MYO9A: variants seen among roughly 807,000 people sequenced by gnomAD.
The protein encoded by MYO9A is unconventional myosin-IXa.
In MYO9A, 103 loss-of-function variants were observed where a neutral mutation model predicts 293.3. That is an observed-to-expected ratio of 0.35 (90% CI 0.30 to 0.41). The LOEUF is 0.41. Ranked by LOEUF, MYO9A falls within the 10% of genes least tolerant of loss-of-function variation. The pLI is 1.00. For missense variants in MYO9A, 2,685 were observed against 3,033.0 expected (o/e 0.89, Z 2.69); for synonymous variants, 1,001 against 1,035.7 (o/e 0.97, Z 0.64).
At chr15:72,029,868 A>T (rs890856553) in intron 3 of MYO9A, among the ~76,000 whole-genome samples, 1 of 151,952 alleles carries the variant, frequency 6.6e-6, no homozygotes, top group African/African-American at 2.4e-5. Context: ...ATTAGGACAA[A>T]CCTCTTAGAG....
At chr15:71,935,591 A>T (rs1369457576) in intron 16 of MYO9A, 107 bp from the exon 17 acceptor site, 2 of 1,163,886 alleles carry the variant, frequency 1.7e-6, no homozygotes, top group Non-Finnish European at 2.3e-6. Context: ...TTAGAAAAAA[A>T]TGCTAAACCA....
At position 71,906,115 on chromosome 15, in the gene MYO9A, T is replaced by C. The variant is rs532165598; in HGVS notation, c.2686-1109A>G. 2.6e-3 allele frequency among the ~76,000 whole-genome samples: 394 copies of C among 152,306 alleles called. 3 individuals are homozygous for C. The highest frequency in any genetic ancestry group is 4.4e-3 in the South Asian group (21 of 4,826). On this transcript the variant is annotated intron_variant, in intron 19 of 41. Transcript: ENST00000356056. ...ATATGTATTATTTAGAAGTCGCTTT[T>C]ACATATTCTAAATATTTGGGGATTG...
intron 1 of MYO9A, among the ~76,000 whole-genome samples, chr15:72,087,138 AGGTCCCCAG>A (rs1335809559): frequency 6.6e-6 from 1 of 152,208 alleles, no homozygotes; most frequent in East Asian, 1.9e-4. Flanking sequence ...GCTATGATGC[AGGTCCCCAG>A]GGTACCCAAG....
chr15:71,923,037 T>C (rs2058196135), intron 18 of MYO9A, among the ~76,000 whole-genome samples: 1 of 152,186 alleles, frequency 6.6e-6, no homozygotes, highest in Non-Finnish European at 1.5e-5. Context: ...GTGGTCTTTA[T>C]TATGTTGAGG....
At chr15:71,987,945 C>T (rs1462035543) in intron 11 of MYO9A, among the ~76,000 whole-genome samples, 2 of 151,912 alleles carry the variant, frequency 1.3e-5, no homozygotes, top group Non-Finnish European at 2.9e-5. Context: ...TGAGAATCAC[C>T]CATCTTCCAA....
At chr15:71,877,937 A>C (rs2056744095) in intron 31 of MYO9A, 103 bp downstream of exon 31, 2 of 1,013,436 alleles carry the variant, frequency 2.0e-6, no homozygotes, top group Non-Finnish European at 2.8e-6. Context: ...GTTTTTCTCA[A>C]AATAAAATTT....
intron 15 of MYO9A, among the ~76,000 whole-genome samples, chr15:71,949,353 A>G (rs1434045799): frequency 6.6e-6 from 1 of 151,352 alleles, no homozygotes; most frequent in East Asian, 1.9e-4. Flanking sequence ...ACAGGCGTGC[A>G]CCACCACACC....
intron 1 of MYO9A, among the ~76,000 whole-genome samples, chr15:72,080,205 G>GTATCCAT (rs1409125172): frequency 6.6e-6 from 1 of 151,720 alleles, no homozygotes; most frequent in Non-Finnish European, 1.5e-5. Context: ...GAATGCAACA[G>GTATCCAT]TATCCATTAT....
chr15:71,876,829 C>T (rs913669301), intron 31 of MYO9A, among the ~76,000 whole-genome samples: 2 of 152,104 alleles, frequency 1.3e-5, no homozygotes, highest in Non-Finnish European at 1.5e-5. Context: ...ATTTGGGACA[C>T]GGAAAAACTC....
At chr15:71,923,236 G>A (rs2058203062) in intron 18 of MYO9A, among the ~76,000 whole-genome samples, 1 of 152,124 alleles carries the variant, frequency 6.6e-6, no homozygotes, top group Admixed American at 6.5e-5. Context: ...ACTTAGTCAT[G>A]ATGTTATCTT....
At position 71,822,364 on chromosome 15, in the gene MYO9A, A is replaced by G. The variant is rs1387277574; in HGVS notation, c.*4216T>C. 1.3e-5 allele frequency: 2 copies of G among 152,198 alleles called. No individual in the cohort carries two copies. Among genetic ancestry groups the G allele is most frequent in the African/African-American group, 2.4e-5 (1 of 41,440 alleles). 9.4% of individuals were successfully genotyped at this position (152,198 alleles called of 1,614,324 possible). On this transcript the variant is annotated 3_prime_UTR_variant, in exon 42 of 42. Coordinates refer to ENST00000356056, the MANE Select transcript of MYO9A (RefSeq NM_006901.4). ...TCAAGCTGCTTTTGTGTAGCCATAC[A>G]GTGCATATTTTGAGTGACACAAACT...
In MYO9A at chr15:71,823,132, A is replaced by G. The variant is rs954275174; in HGVS notation, c.*3448T>C. On this transcript the variant is annotated 3_prime_UTR_variant, in exon 42 of 42. Coordinates refer to ENST00000356056, the MANE Select transcript of MYO9A (RefSeq NM_006901.4). ...GAGAGGAGGATGAGGAAAGCCATGG[A>G]GTGAGTATGTATGTTTCTTTTTAAA... 1 of 151,888 alleles carries G rather than the reference A, an allele frequency of 6.6e-6. No homozygotes were observed. The highest frequency in any genetic ancestry group is 2.4e-5 in the African/African-American group (1 of 41,340). The allele number at this position is 151,888 out of a possible 1,614,324, so 9.4% of individuals were successfully genotyped here.
chr15:71,905,851 T>C (rs537163468), intron 19 of MYO9A, among the ~76,000 whole-genome samples: 2 of 151,956 alleles, frequency 1.3e-5, no homozygotes, highest in African/African-American at 4.8e-5. Context: ...CTGTTTTTCA[T>C]TTCATTGAAT....
chr15:71,947,019 G>C (rs2058933016), intron 15 of MYO9A, among the ~76,000 whole-genome samples: 1 of 152,020 alleles, frequency 6.6e-6, no homozygotes, highest in Admixed American at 6.6e-5. Flanking sequence ...TGAGAGACTG[G>C]GGTGGGAGGA....
chr15:71,883,456 G>C, intron 28 of MYO9A, 138 bp downstream of exon 28: 2 of 857,606 alleles, frequency 2.3e-6, no homozygotes, highest in Non-Finnish European at 3.3e-6. Flanking sequence ...GTTAAGGAAG[G>C]ATTTAACAAT....
intron 39 of MYO9A, 134 bp downstream of exon 39, chr15:71,848,711 C>CTTGAGATTTGGTGACGTTTTACTTGTTT: frequency 1.9e-6 from 2 of 1,031,664 alleles, no homozygotes; most frequent in Non-Finnish European, 2.7e-6. Context: ...TCCATAGCAC[C>CTTGAGATTTGGTGACGTTTTACTTGTTT]TTGAGATTTG....
At chr15:72,020,439 T>C (rs1056014691) in intron 5 of MYO9A, among the ~76,000 whole-genome samples, 8 of 152,194 alleles carry the variant, frequency 5.3e-5, no homozygotes, top group South Asian at 2.1e-4. Flanking sequence ...TTTAAGAAGA[T>C]TGTTCATTAA....
At chr15:71,960,263 C>T (rs942467914) in intron 13 of MYO9A, 167 bp from the exon 14 acceptor site, 5 of 613,934 alleles carry the variant, frequency 8.1e-6, no homozygotes, top group Non-Finnish European at 1.4e-5. Context: ...GTCATGGAGG[C>T]AGATCCCTCA....
chr15:71,880,960 G>C (rs1304463917), intron 28 of MYO9A, among the ~76,000 whole-genome samples: 1 of 152,090 alleles, frequency 6.6e-6, no homozygotes, highest in African/African-American at 2.4e-5. Flanking sequence ...CTACATGTTT[G>C]AAACAATATG....
Sources: gnomAD v4.1 joint callset for allele counts (sites outside exome capture counted in the v4.1 genomes callset) on GRCh38, gnomAD v4.1.1 for gene constraint, MANE v1.5 for transcripts, NCBI Gene and HGNC (gene_info 2026-07-23, HGNC 2026-07-21) for gene names.